The following APPBP2 variants were observed in gnomAD, a reference collection of about 807,000 sequenced individuals.
The protein encoded by APPBP2 is amyloid protein-binding protein 2.
APPBP2 carries 15 observed loss-of-function variants against 76.0 expected under a neutral mutation model. The observed-to-expected ratio is 0.20, with a 90% CI of 0.13 to 0.30. APPBP2 has a LOEUF of 0.30. Among genes scored for constraint, APPBP2 ranks in the 10% least tolerant of loss-of-function variants. The pLI is 1.00. For missense variants in APPBP2, 401 were observed against 687.2 expected, an observed-to-expected ratio of 0.58 and a Z score of 4.66; for synonymous variants, 222 against 242.2, an observed-to-expected ratio of 0.92 and a Z score of 0.77.
intron 9 of APPBP2, chr17:60,460,430 G>A: frequency 4.0e-6 from 1 of 249,752 alleles, no homozygotes. Flanking sequence ...TTCCACCTCA[G>A]CCTCCCAAAG....
At chr17:60,485,046 G>T (rs1029963515) in intron 3 of APPBP2, among the ~76,000 whole-genome samples, 3 of 152,064 alleles carry the variant, frequency 2.0e-5, no homozygotes, top group Admixed American at 1.3e-4. Context: ...TTGCATCCCA[G>T]GGATGAAGCC....
intron 3 of APPBP2, among the ~76,000 whole-genome samples, chr17:60,494,039 G>A (rs1210145732): frequency 1.3e-5 from 2 of 152,144 alleles, no homozygotes; most frequent in Non-Finnish European, 2.9e-5. Context: ...TCATTTTAGA[G>A]ATGGGAAAAC....
At chr17:60,459,867 C>T (rs1456516048) in intron 9 of APPBP2, 1 of 152,164 alleles carries the variant, frequency 6.6e-6, no homozygotes, top group African/African-American at 2.4e-5. Flanking sequence ...GTTTCTTAAA[C>T]CAAGGTTACA....
intron 1 of APPBP2, among the ~76,000 whole-genome samples, chr17:60,507,162 G>A (rs1290814384): frequency 6.6e-6 from 1 of 152,084 alleles, no homozygotes; most frequent in Non-Finnish European, 1.5e-5. Context: ...CCATACCCAA[G>A]TAGCAAAACA....
intron 9 of APPBP2, among the ~76,000 whole-genome samples, chr17:60,459,334 T>C (rs1043979015): frequency 6.6e-6 from 1 of 152,118 alleles, no homozygotes; most frequent in Non-Finnish European, 1.5e-5. Flanking sequence ...TCCTGATGCA[T>C]TATCCCTAAA....
chr17:60,505,608 C>T (rs2090860401), intron 1 of APPBP2, among the ~76,000 whole-genome samples: 2 of 151,198 alleles, frequency 1.3e-5, no homozygotes, highest in Admixed American at 1.3e-4. Flanking sequence ...AGCCATCGCG[C>T]CTGGCCCATA....
rs572889108 is a variant in APPBP2, at chr17:60,506,864, C to T, written c.139-6377G>A. 2.0e-4 allele frequency among the ~76,000 whole-genome samples: 31 copies of T among 152,244 alleles called. No homozygotes were observed. The South Asian group carries it at 6.0e-3, about 30-fold the overall frequency. Reference sequence around the variant, plus strand: ...CATCCTGGCCAACATGGTGAAACCCCGTTTCTACTAAAAATACAAAAATTA... The same window carrying T: ...CATCCTGGCCAACATGGTGAAACCCTGTTTCTACTAAAAATACAAAAATTA... On this transcript the variant is annotated intron_variant, in intron 1 of 12. Coordinates refer to ENST00000083182, the MANE Select transcript of APPBP2 (RefSeq NM_006380.5).
chr17:60,506,277 A>G (rs2090867516), intron 1 of APPBP2, among the ~76,000 whole-genome samples: 1 of 152,210 alleles, frequency 6.6e-6, no homozygotes, highest in African/African-American at 2.4e-5. Flanking sequence ...TACCGGCCTG[A>G]GCCACTGCCC....
intron 3 of APPBP2, 105 bp from the exon 4 acceptor site, chr17:60,479,376 T>C (rs1361045625): frequency 8.2e-5 from 99 of 1,200,884 alleles, no homozygotes; most frequent in Non-Finnish European, 1.0e-4. Flanking sequence ...TAAACCATGA[T>C]AGTAAAATCT....
chr17:60,459,001 G>A (rs1211295551), intron 9 of APPBP2, among the ~76,000 whole-genome samples: 2 of 151,970 alleles, frequency 1.3e-5, no homozygotes, highest in Non-Finnish European at 2.9e-5. Flanking sequence ...TCCATCTCCT[G>A]ACCTCGTGAT....
chr17:60,471,698 A>T (rs1258994141), intron 4 of APPBP2, among the ~76,000 whole-genome samples: 2 of 151,736 alleles, frequency 1.3e-5, no homozygotes, highest in African/African-American at 4.8e-5. Flanking sequence ...TCCTTTTAAT[A>T]TTCTATTAGA....
chr17:60,453,433 C>T (rs2090409902), intron 11 of APPBP2, among the ~76,000 whole-genome samples: 1 of 152,126 alleles, frequency 6.6e-6, no homozygotes, highest in South Asian at 2.1e-4. Flanking sequence ...GTTCTGCACA[C>T]CTTGGCCTCC....
rs774317814 is a variant in APPBP2 at position 60,525,784 on chromosome 17, C to T, written c.138+10G>A. The T allele has an allele frequency of 1.2e-6, 2 of 1,612,626 alleles. No individual in the cohort carries two copies. Among genetic ancestry groups the T allele is most frequent in the Middle Eastern group, 1.7e-4 (1 of 6,038 alleles). ...TGGAGGAGAGCAGAGAGGAGGCCCA[C>T]GGCGCATACCTTGTAGTAAACATCA... is the stretch of plus-strand genomic sequence containing the variant. On this transcript the variant is annotated intron_variant, in intron 1 of 12. Transcript: ENST00000083182.
chr17:60,458,917 C>T (rs940445828), intron 9 of APPBP2, among the ~76,000 whole-genome samples: 7 of 151,820 alleles, frequency 4.6e-5, no homozygotes, highest in African/African-American at 1.7e-4. Context: ...GGATTACAGG[C>T]GCATGCCACC....
intron 11 of APPBP2, among the ~76,000 whole-genome samples, chr17:60,453,956 C>T (rs1413833872): frequency 2.0e-5 from 3 of 152,190 alleles, no homozygotes; most frequent in African/African-American, 7.2e-5. Flanking sequence ...ACTGCAGCCT[C>T]AACTTCTTGG....
chr17:60,514,139 T>C (rs2090943813), intron 1 of APPBP2, among the ~76,000 whole-genome samples: 4 of 151,728 alleles, frequency 2.6e-5, no homozygotes, highest in African/African-American at 9.7e-5. Flanking sequence ...AAATCTCATC[T>C]CTACAAAAAA....
rs1321901843 is a variant in APPBP2 at position 60,526,167 on chromosome 17, G to A, written c.-236C>T. 9.4e-6 allele frequency: 5 copies of A among 531,792 alleles called. No homozygotes were observed. The highest frequency in any genetic ancestry group is 1.9e-5 in the African/African-American group (1 of 52,206). 32.9% of individuals were successfully genotyped at this position (531,792 alleles called of 1,614,324 possible). A position where few individuals can be genotyped will look rare whatever the true frequency, so the allele number is the denominator to read the frequency against. On this transcript the variant is annotated 5_prime_UTR_variant, in exon 1 of 13. Coordinates refer to ENST00000083182, the MANE Select transcript of APPBP2 (RefSeq NM_006380.5). ...AAAACAGCGGCCAGCCAGGCCAAAA[G>A]CGTCACAATCCCGGTTCGAGAGGAA...
At position 60,479,193 on chromosome 17, in the gene APPBP2, TGTAGA is replaced by T. The variant is rs1318810547; in HGVS notation, c.453_457del (p.Leu152ArgfsTer2). The T allele has an allele frequency of 6.2e-7, 1 of 1,614,012 alleles. No individual in the cohort carries two copies. The highest frequency in any genetic ancestry group is 8.5e-7 in the Non-Finnish European group (1 of 1,179,956). Reference sequence around the variant, plus strand: ...ACGAAACCAATGAAGCATCTCATCGTGTAGAGTACACAACTGAAGGCAGGACAGAA... The same window carrying T: ...ACGAAACCAATGAAGCATCTCATCGTGTACACAACTGAAGGCAGGACAGAA... On this transcript the variant is annotated frameshift_variant, in exon 4 of 13. Transcript: ENST00000083182. LOFTEE classifies it high-confidence loss of function.
At chr17:60,506,194 T>C (rs1053792065) in intron 1 of APPBP2, among the ~76,000 whole-genome samples, 1 of 151,574 alleles carries the variant, frequency 6.6e-6, no homozygotes, top group African/African-American at 2.4e-5. Context: ...GGTCACACTA[T>C]GTTGCCTAGC....
Sources: allele counts gnomAD v4.1 joint callset (sites outside exome capture counted in the v4.1 genomes callset), GRCh38; gene constraint gnomAD v4.1.1; transcripts MANE v1.5; gene names NCBI Gene and HGNC (gene_info 2026-07-23, HGNC 2026-07-21).